The following IMPA1 variants were observed in gnomAD, a reference collection of about 807,000 sequenced individuals.
The protein encoded by IMPA1 is inositol monophosphatase 1.
In IMPA1, 21 loss-of-function variants were observed where a neutral mutation model predicts 34.9. The ratio of observed to expected loss-of-function variants is 0.60; its 90% CI spans 0.43 to 0.87. The LOEUF (loss-of-function observed/expected upper bound fraction) is 0.87, where lower values mean the gene tolerates loss of function less well. Ranked by LOEUF, IMPA1 falls within the 40% of genes least tolerant of loss-of-function variation. IMPA1 has a pLI of 0.00. For missense variants in IMPA1, 299 were observed against 336.4 expected (o/e 0.89, Z 0.87); for synonymous variants, 95 against 104.4 (o/e 0.91, Z 0.55).
intron 4 of IMPA1, 37 bp downstream of exon 4, chr8:81,679,089 T>C (rs1213810205): frequency 3.7e-6 from 5 of 1,334,726 alleles, no homozygotes; most frequent in Non-Finnish European, 4.3e-6. Context: ...CCAGTTAATA[T>C]GCAAAGAGTA....
chr8:81,677,981 T>C (rs1477778527), intron 4 of IMPA1, among the ~76,000 whole-genome samples: 2 of 152,220 alleles, frequency 1.3e-5, no homozygotes, highest in Non-Finnish European at 2.9e-5. Flanking sequence ...GTCGGCACTA[T>C]ACTAAGTTCT....
At position 81,657,132 on chromosome 8, in the gene IMPA1, A is replaced by G. The variant is rs978649204; in HGVS notation, c.*2219T>C. ...CTTTTTCAGCATCTAAAGAAATTTC[A>G]GACACAAAATATGCAACTGCATTTA... On this transcript the variant is annotated 3_prime_UTR_variant, in exon 9 of 9. Transcript: ENST00000256108. Among the ~76,000 whole-genome samples, 6 of 152,230 alleles carry G rather than the reference A, an allele frequency of 3.9e-5. No homozygotes were observed. Among genetic ancestry groups the G allele is most frequent in the African/African-American group, 1.2e-4 (5 of 41,462 alleles).
intron 5 of IMPA1, among the ~76,000 whole-genome samples, chr8:81,675,261 C>T (rs1351595311): frequency 7.3e-5 from 11 of 151,524 alleles, no homozygotes; most frequent in Admixed American, 2.6e-4. Context: ...CCCCCACCCC[C>T]GCCAATCTGG....
At chr8:81,670,683 T>C (rs977365366) in intron 7 of IMPA1, among the ~76,000 whole-genome samples, 4 of 152,200 alleles carry the variant, frequency 2.6e-5, no homozygotes, top group African/African-American at 7.2e-5. Flanking sequence ...GACTCTAGAC[T>C]GAATCCTACT....
chr8:81,660,693 AT>A, intron 7 of IMPA1, 26 bp from the exon 8 acceptor site: 1 of 1,575,454 alleles, frequency 6.3e-7, no homozygotes, highest in Non-Finnish European at 8.6e-7. Context: ...TAGAAATAAA[AT>A]TGGAAAAAAT....
At position 81,658,984 on chromosome 8, in the gene IMPA1, A is replaced by C. The variant is rs1226747150; in HGVS notation, c.*367T>G. On this transcript the variant is annotated 3_prime_UTR_variant, in exon 9 of 9. Transcript: ENST00000256108. ...GAAACTAAAGAGAAATGTTTTTCCA[A>C]ACAGTTAACTTTCTAAGTGGGTGTC... is the stretch of plus-strand genomic sequence containing the variant. 4.8e-6 allele frequency: 1 copy of C among 206,424 alleles called. No homozygotes were observed. The highest frequency in any genetic ancestry group is 9.6e-6 in the Non-Finnish European group (1 of 104,640). The allele number at this position is 206,424 out of a possible 1,614,324, so 12.8% of individuals were successfully genotyped here.
intron 4 of IMPA1, among the ~76,000 whole-genome samples, chr8:81,676,981 T>C (rs772218461): frequency 1.6e-4 from 24 of 152,096 alleles, no homozygotes; most frequent in Non-Finnish European, 2.4e-4. Flanking sequence ...GTGACAGAGA[T>C]GCTGTCCCCC....
chr8:81,666,588 C>T (rs1244820656), intron 7 of IMPA1, among the ~76,000 whole-genome samples: 1 of 151,996 alleles, frequency 6.6e-6, no homozygotes, highest in Non-Finnish European at 1.5e-5. Context: ...AATAAGAAAG[C>T]AGGGGCCAGG....
At chr8:81,675,100 G>C (rs2130296153) in intron 5 of IMPA1, among the ~76,000 whole-genome samples, 1 of 152,272 alleles carries the variant, frequency 6.6e-6, no homozygotes, top group East Asian at 1.9e-4. Flanking sequence ...ACTGGCCACA[G>C]TGCCTCACAG....
Position 81,666,343 on chromosome 8 carries a change from A to G in IMPA1, c.566+4596T>C, listed in dbSNP as rs370304823. ...GGCACATCAAATGAACGCAGTAACT[A>G]TAACATCATACAGACAGTAATTATA... On this transcript the variant is annotated intron_variant, in intron 7 of 8. Coordinates refer to ENST00000256108, the MANE Select transcript of IMPA1 (RefSeq NM_005536.4). 1.4e-4 allele frequency among the ~76,000 whole-genome samples: 22 copies of G among 152,374 alleles called. No homozygotes were observed. In the East Asian group the frequency reaches 4.0e-3, roughly 28 times the overall value.
chr8:81,673,080 T>C (rs1309764315), intron 6 of IMPA1, among the ~76,000 whole-genome samples: 1 of 152,160 alleles, frequency 6.6e-6, no homozygotes, highest in Non-Finnish European at 1.5e-5. Flanking sequence ...ATACCTCCCT[T>C]ACAATTTGCC....
chr8:81,686,094 A>C (rs1192204777), intron 1 of IMPA1, 158 bp downstream of exon 1: 21 of 892,072 alleles, frequency 2.4e-5, no homozygotes, highest in Non-Finnish European at 1.5e-6. Flanking sequence ...GCAGCTCCGG[A>C]TAACGCAGCA....
Position 81,659,096 on chromosome 8 carries a change from T to C in IMPA1, c.*255A>G. ...GCTAATTGACTATTTCAGTTGATGT[T>C]ATATTTATCAACTGTACTTCCTGGG... On this transcript the variant is annotated 3_prime_UTR_variant, in exon 9 of 9. Transcript: ENST00000256108. 1 of 455,530 alleles carries C rather than the reference T, an allele frequency of 2.2e-6. No individual in the cohort carries two copies. The highest frequency in any genetic ancestry group is 3.9e-6 in the Non-Finnish European group (1 of 257,768). 28.2% of individuals were successfully genotyped at this position (455,530 alleles called of 1,614,324 possible). A position where few individuals can be genotyped will look rare whatever the true frequency, so the allele number is the denominator to read the frequency against.
chr8:81,667,624 G>T (rs1343206285), intron 7 of IMPA1, among the ~76,000 whole-genome samples: 1 of 152,110 alleles, frequency 6.6e-6, no homozygotes, highest in Non-Finnish European at 1.5e-5. Context: ...TGAGGGCTTA[G>T]AAGACAAGGC....
At chr8:81,671,103 T>A in intron 6 of IMPA1, 56 bp from the exon 7 acceptor site, 2 of 774,544 alleles carry the variant, frequency 2.6e-6, no homozygotes, top group Non-Finnish European at 4.0e-6. Flanking sequence ...ACCTGACACT[T>A]GTAATTCAGA....
intron 7 of IMPA1, among the ~76,000 whole-genome samples, chr8:81,666,869 CAAAAAAAAAAAAA>C (rs33975606): frequency 1.0e-4 from 4 of 39,340 alleles, no homozygotes; most frequent in African/African-American, 2.7e-4. Flanking sequence ...GACTCTGTCT[CAAAAAAAAAAAAA>C]AAAAAAAAAA....
intron 7 of IMPA1, among the ~76,000 whole-genome samples, chr8:81,667,930 TCTC>T (rs1433730298): frequency 6.6e-6 from 1 of 151,778 alleles, no homozygotes; most frequent in African/African-American, 2.4e-5. Context: ...TTCACGCCAT[TCTC>T]CTGCCTCAGC....
At position 81,680,845 on chromosome 8, in the gene IMPA1, C is replaced by A; in HGVS notation, c.64-62G>T. On this transcript the variant is annotated intron_variant, in intron 2 of 8. Coordinates refer to ENST00000256108, the MANE Select transcript of IMPA1 (RefSeq NM_005536.4). ...TAATTTTAAACAAAAAGATAAAATA[C>A]ATAAATGGTTTAAGACATTCAATCT... 2.4e-6 allele frequency: 3 copies of A among 1,249,324 alleles called. No homozygotes were observed. In the South Asian group the frequency reaches 3.9e-5, roughly 16 times the overall value. 77.4% of individuals were successfully genotyped at this position (1,249,324 alleles called of 1,614,324 possible).
intron 7 of IMPA1, among the ~76,000 whole-genome samples, chr8:81,669,143 T>TG (rs1309979108): frequency 1.3e-5 from 2 of 151,982 alleles, no homozygotes; most frequent in African/African-American, 4.8e-5. Flanking sequence ...AGTGGAACTG[T>TG]GGGGTTAGTG....
Sources: gnomAD v4.1 joint callset for allele counts (sites outside exome capture counted in the v4.1 genomes callset) on GRCh38, gnomAD v4.1.1 for gene constraint, MANE v1.5 for transcripts, NCBI Gene and HGNC (gene_info 2026-07-23, HGNC 2026-07-21) for gene names.